The following ABCB1 variants were observed in gnomAD, a reference collection of about 807,000 sequenced individuals.
The protein encoded by ABCB1 is ATP binding cassette subfamily B member 1.
Under a neutral mutation model 142.0 loss-of-function variants are expected in ABCB1, and 69 were observed. The observed-to-expected ratio is 0.49, with a 90% CI of 0.40 to 0.59. The LOEUF is 0.59. Ranked by LOEUF, ABCB1 falls within the 20% of genes least tolerant of loss-of-function variation. The pLI, the probability that ABCB1 is intolerant of heterozygous loss-of-function variation, is 0.00. For synonymous variants in ABCB1, 532 were observed against 539.2 expected (o/e 0.99, Z 0.18); for missense variants, 1,326 against 1,554.7 (o/e 0.85, Z 2.47).
intron 1 of ABCB1, among the ~76,000 whole-genome samples, chr7:87,657,382 G>T (rs371351065): frequency 6.6e-6 from 1 of 152,078 alleles, no homozygotes; most frequent in Non-Finnish European, 1.5e-5. Flanking sequence ...CTTTTCAGCC[G>T]TATCTGCTCT....
rs538247486 is a variant in ABCB1, at chr7:87,547,556, C to T, written c.1726-1532G>A. 5.9e-5 allele frequency among the ~76,000 whole-genome samples: 9 copies of T among 151,636 alleles called. No individual in the cohort carries two copies. The South Asian group carries it at 1.9e-3, about 32-fold the overall frequency. On this transcript the variant is annotated intron_variant, in intron 14 of 27. Coordinates refer to ENST00000622132, the MANE Select transcript of ABCB1 (RefSeq NM_001348946.2). ...CAGTCGGGGCAAGATAGTGAGACCT[C>T]ATCTCTACAAATATATCAAAAAATA...
At chr7:87,620,243 C>T (rs1013709627) in intron 1 of ABCB1, among the ~76,000 whole-genome samples, 1 of 152,076 alleles carries the variant, frequency 6.6e-6, no homozygotes, top group African/African-American at 2.4e-5. Flanking sequence ...TCACTGCAAC[C>T]TCCACCTTGC....
chr7:87,620,874 T>G (rs563608998), intron 1 of ABCB1, among the ~76,000 whole-genome samples: 1 of 152,144 alleles, frequency 6.6e-6, no homozygotes, highest in African/African-American at 2.4e-5. Context: ...CAAAAATGTA[T>G]AGCTTTCCTG....
intron 1 of ABCB1, among the ~76,000 whole-genome samples, chr7:87,635,834 T>C (rs2130241431): frequency 6.6e-6 from 1 of 152,324 alleles, no homozygotes; most frequent in South Asian, 2.1e-4. Flanking sequence ...TTTAAATGAA[T>C]GGAATAATAC....
chr7:87,560,152 T>C (rs1031589699), intron 8 of ABCB1, among the ~76,000 whole-genome samples: 2 of 152,208 alleles, frequency 1.3e-5, no homozygotes, highest in Non-Finnish European at 2.9e-5. Flanking sequence ...CGGGGATTTA[T>C]TTCATTGAAT....
chr7:87,545,340 C>G (rs1312572032), intron 15 of ABCB1, among the ~76,000 whole-genome samples: 3 of 152,150 alleles, frequency 2.0e-5, no homozygotes, highest in African/African-American at 7.2e-5. Flanking sequence ...ATGGCACAAG[C>G]CATGCTATGA....
intron 14 of ABCB1, 40 bp from the exon 15 acceptor site, chr7:87,546,064 T>A (rs1563045049): frequency 1.3e-6 from 2 of 1,599,036 alleles, no homozygotes; most frequent in Admixed American, 1.7e-5. Flanking sequence ...ACATTAACAA[T>A]TACCTGAAGA....
chr7:87,550,358 A>T (rs547265498), intron 11 of ABCB1, 62 bp from the exon 12 acceptor site: 3 of 1,612,286 alleles, frequency 1.9e-6, no homozygotes, highest in East Asian at 2.2e-5. Context: ...ATAGGAACTG[A>T]CTGTTCACTA....
chr7:87,613,257 C>CTTTTTCTTTTTTTTTTTTT (rs1819920290), intron 1 of ABCB1, among the ~76,000 whole-genome samples: 1 of 64,210 alleles, frequency 1.6e-5, no homozygotes, highest in African/African-American at 6.4e-5. Flanking sequence ...TCCTTTATTT[C>CTTTTTCTTTTTTTTTTTTT]TTTTTTTTTT....
At chr7:87,631,999 T>C (rs888463578) in intron 1 of ABCB1, among the ~76,000 whole-genome samples, 18 of 152,196 alleles carry the variant, frequency 1.2e-4, no homozygotes, top group Admixed American at 9.2e-4. Context: ...ATGTTTATAA[T>C]AGCTAAATTA....
intron 1 of ABCB1, among the ~76,000 whole-genome samples, chr7:87,629,920 C>CA (rs202130650): frequency 0.039 from 4,355 of 112,708 alleles, 175 homozygotes; most frequent in African/African-American, 0.11. Flanking sequence ...GAGACTTCGT[C>CA]AAAAAAAAAA....
At chr7:87,539,675 T>C (rs1816445865) in intron 18 of ABCB1, among the ~76,000 whole-genome samples, 1 of 152,210 alleles carries the variant, frequency 6.6e-6, no homozygotes, top group Admixed American at 6.5e-5. Flanking sequence ...AATTACCCAC[T>C]GGACTCCCTC....
At chr7:87,506,917 T>C (rs1360380695) in intron 26 of ABCB1, among the ~76,000 whole-genome samples, 2 of 152,184 alleles carry the variant, frequency 1.3e-5, no homozygotes, top group Non-Finnish European at 2.9e-5. Context: ...GGCAGATGCT[T>C]GGGACTGGCT....
chr7:87,548,630 A>G (rs973241322), intron 14 of ABCB1, among the ~76,000 whole-genome samples: 1 of 152,218 alleles, frequency 6.6e-6, no homozygotes, highest in Non-Finnish European at 1.5e-5. Flanking sequence ...TGACATCTCA[A>G]CTTGGAACAC....
chr7:87,523,109 T>A (rs890663329), intron 21 of ABCB1, among the ~76,000 whole-genome samples: 2 of 151,042 alleles, frequency 1.3e-5, no homozygotes, highest in Admixed American at 1.3e-4. Context: ...AAAACTAACT[T>A]TTTTTTTTAG....
intron 1 of ABCB1, chr7:87,700,509 C>T: frequency 6.2e-7 from 1 of 1,613,298 alleles, no homozygotes; most frequent in African/African-American, 1.3e-5. Context: ...AGAATTGTAT[C>T]TGCAGCATTG....
intron 1 of ABCB1, among the ~76,000 whole-genome samples, chr7:87,622,401 G>C (rs1820256241): frequency 1.3e-5 from 2 of 152,042 alleles, no homozygotes; most frequent in Admixed American, 1.3e-4. Context: ...TTGTTATGCA[G>C]AAAAATAAAA....
intron 1 of ABCB1, among the ~76,000 whole-genome samples, chr7:87,659,528 C>T (rs1824477363): frequency 6.6e-6 from 1 of 152,130 alleles, no homozygotes; most frequent in Admixed American, 6.6e-5. Context: ...ATTTCCTCTA[C>T]ATACATATAG....
Position 87,677,606 on chromosome 7 carries a change from C to T in ABCB1, c.-331+35555G>A, listed in dbSNP as rs1156648163. ...AAGTGCTGGAGACCTATATTGTGTACTTGAAAATTGCTATGATAGTAGATC... is the reference window on the plus strand; with the variant it reads ...AAGTGCTGGAGACCTATATTGTGTATTTGAAAATTGCTATGATAGTAGATC... On this transcript the variant is annotated intron_variant, in intron 1 of 28. Coordinates refer to the ABCB1 transcript ENST00000265724. Among the ~76,000 whole-genome samples the T allele has an allele frequency of 3.3e-5, 5 of 152,030 alleles. No homozygotes were observed. In the East Asian group the frequency reaches 9.6e-4, roughly 29 times the overall value.
Sources: gnomAD v4.1 joint callset for allele counts (sites outside exome capture counted in the v4.1 genomes callset) on GRCh38, gnomAD v4.1.1 for gene constraint, MANE v1.5 for transcripts, NCBI Gene and HGNC (gene_info 2026-07-23, HGNC 2026-07-21) for gene names.